TRIM35: variants seen among roughly 807,000 people sequenced by gnomAD.
TRIM35 encodes the protein E3 ubiquitin-protein ligase TRIM35.
TRIM35 carries 37 observed loss-of-function variants against 49.1 expected under a neutral mutation model. That is an observed-to-expected ratio of 0.75 (90% CI 0.58 to 0.99). The LOEUF is 0.99. Among genes scored for constraint, TRIM35 ranks in the 50% least tolerant of loss-of-function variants. The pLI is 0.00. For synonymous variants in TRIM35, 302 were observed against 289.3 expected, an observed-to-expected ratio of 1.04 and a Z score of -0.45; for missense variants, 648 against 702.7, an observed-to-expected ratio of 0.92 and a Z score of 0.88.
chr8:27,306,802 TA>T (rs1802795897), intron 1 of TRIM35, among the ~76,000 whole-genome samples: 1 of 152,224 alleles, frequency 6.6e-6, no homozygotes, highest in Non-Finnish European at 1.5e-5. Context: ...GCGGATTAAG[TA>T]GTCACTTGGA....
At chr8:27,291,139 A>C (rs571390170) in intron 3 of TRIM35, among the ~76,000 whole-genome samples, 2 of 152,004 alleles carry the variant, frequency 1.3e-5, no homozygotes, top group African/African-American at 2.4e-5. Flanking sequence ...AATGCATCAA[A>C]GACCTACATG....
rs986487938 is a variant in TRIM35 at position 27,287,334 on chromosome 8, C to T, written c.*216G>A. ...CCACGACTCGGGAGAGCCTGGCCAGCGAGGTGCCACCCGAATAGCTCCTGA... is the reference window on the plus strand; with the variant it reads ...CCACGACTCGGGAGAGCCTGGCCAGTGAGGTGCCACCCGAATAGCTCCTGA... On this transcript the variant is annotated 3_prime_UTR_variant, in exon 6 of 6. Coordinates refer to ENST00000305364, the MANE Select transcript of TRIM35 (RefSeq NM_171982.5). The surrounding 1 kb of genome is among the most constrained non-coding windows in gnomAD (Gnocchi z 6.0). 9 of 534,146 alleles carry T rather than the reference C, an allele frequency of 1.7e-5. No individual in the cohort carries two copies. The highest frequency in any genetic ancestry group is 6.2e-5 in the East Asian group (2 of 32,102). The allele number at this position is 534,146 out of a possible 1,614,324, so 33.1% of individuals were successfully genotyped here. A position where few individuals can be genotyped will look rare whatever the true frequency, so the allele number is the denominator to read the frequency against.
Position 27,287,682 on chromosome 8 carries a change from C to T in TRIM35, c.1350G>A (p.Leu450=), listed in dbSNP as rs753572900. 4.7e-5 allele frequency: 76 copies of T among 1,610,328 alleles called. No individual in the cohort carries two copies. The highest frequency in any genetic ancestry group is 8.4e-5 in the Admixed American group (5 of 59,402). ...CCCCAAAGCGGGCGTGGAAGGTGTACAGGTGGCAGTGGCGCTCCGCGTCAT... is the reference window on the plus strand; with the variant it reads ...CCCCAAAGCGGGCGTGGAAGGTGTATAGGTGGCAGTGGCGCTCCGCGTCAT... ...SFYDAERHCH[L]YTFHARFGEV... Residue 450 remains leucine (L), a synonymous_variant, in exon 6 of 6, where the codon CTG becomes CTA. Coordinates refer to ENST00000305364, the MANE Select transcript of TRIM35 (RefSeq NM_171982.5). The surrounding 1 kb of genome is among the most constrained non-coding windows in gnomAD (Gnocchi z 6.0).
intron 2 of TRIM35, among the ~76,000 whole-genome samples, chr8:27,296,154 C>CTT (rs563260897): frequency 4.6e-4 from 60 of 129,400 alleles, no homozygotes; most frequent in Admixed American, 1.7e-3. Context: ...GGGTGATTCT[C>CTT]TTTTTTTTTT....
Position 27,287,960 on chromosome 8 carries a change from A to T in TRIM35, c.1072T>A (p.Trp358Arg), listed in dbSNP as rs1359361502. The part of the protein sequence containing the change: ...SRVFSQGSHA[W>R]EVALGGLQSW... ...TGCAGCCCCCCAAGGGCCACCTCCC[A>T]GGCGTGCGAGCCCTGTGAGAAGACA... The change falls in exon 6 of 6, where the codon TGG (tryptophan) becomes AGG (arginine). Residue 358 changes from tryptophan to arginine, a missense_variant. Physicochemically the swap from Trp to Arg is moderately radical, Grantham distance 101. Coordinates refer to ENST00000305364, the MANE Select transcript of TRIM35 (RefSeq NM_171982.5). The surrounding 1 kb of genome is among the most constrained non-coding windows in gnomAD (Gnocchi z 6.0). 1 of 1,613,214 alleles carries T rather than the reference A, an allele frequency of 6.2e-7. No homozygotes were observed. The highest frequency in any genetic ancestry group is 2.2e-5 in the East Asian group (1 of 44,862).
At chr8:27,309,434 T>C (rs1194702098) in intron 1 of TRIM35, among the ~76,000 whole-genome samples, 4 of 152,188 alleles carry the variant, frequency 2.6e-5, no homozygotes, top group Non-Finnish European at 5.9e-5. Context: ...ACAGCATCCT[T>C]ACATTCCCCT....
intron 1 of TRIM35, among the ~76,000 whole-genome samples, chr8:27,308,846 C>T (rs1157229896): frequency 6.6e-6 from 1 of 152,192 alleles, no homozygotes. Context: ...CTGCTGTTCA[C>T]AGCAAGGGTG....
At chr8:27,290,275 A>G (rs887671098) in intron 3 of TRIM35, 97 bp from the exon 4 acceptor site, 39 of 1,142,152 alleles carry the variant, frequency 3.4e-5, no homozygotes, top group Admixed American at 2.6e-4. Flanking sequence ...TCCATGGATC[A>G]TAAGTCTTAA....
chr8:27,287,407 T>G lies in TRIM35; in HGVS notation c.*143A>C. The stretch of plus-strand genomic sequence containing the variant: ...ACATGGAGAGAGGCACAGCCTGGAG[T>G]CATGGAAAAGGACCAGGCAGGACAG... On this transcript the variant is annotated 3_prime_UTR_variant, in exon 6 of 6. Transcript: ENST00000305364. This position sits in a 1 kb window ranked among gnomAD's most constrained non-coding sequence, Gnocchi z 6.0. 1.1e-6 allele frequency: 1 copy of G among 889,048 alleles called. No homozygotes were observed. The highest frequency in any genetic ancestry group is 1.7e-6 in the Non-Finnish European group (1 of 596,122). 55.1% of individuals were successfully genotyped at this position (889,048 alleles called of 1,614,324 possible).
intron 3 of TRIM35, among the ~76,000 whole-genome samples, chr8:27,292,336 G>T (rs56126974): frequency 0.059 from 8,980 of 152,210 alleles, 353 homozygotes; most frequent in Middle Eastern, 0.099. Context: ...CACCATGTAG[G>T]CTTCTGTAAG....
chr8:27,311,074 C>T lies in TRIM35; in HGVS notation c.162G>A (p.Ser54=). 6.3e-7 allele frequency: 1 copy of T among 1,596,032 alleles called. No homozygotes were observed. The highest frequency in any genetic ancestry group is 1.3e-5 in the African/African-American group (1 of 74,832). Residue 54 remains serine, a synonymous_variant, in exon 1 of 6, where the codon TCG becomes TCA. Coordinates refer to ENST00000305364, the MANE Select transcript of TRIM35 (RefSeq NM_171982.5). The part of the protein sequence containing the change: ...CVSRCWEVQV[S]PTCPVCKDRA... ...GGTCTTTGCACACTGGGCAGGTGGG[C>T]GACACCTGCACCTCCCAGCAGCGGC...
In TRIM35 at chr8:27,286,260, G is replaced by A; in HGVS notation, c.*1290C>T. On this transcript the variant is annotated 3_prime_UTR_variant, in exon 6 of 6. Coordinates refer to ENST00000305364, the MANE Select transcript of TRIM35 (RefSeq NM_171982.5). ...CCAGGGAAAAGTCTGCAGGCATGGT[G>A]GAGGAAGAAATTAGGGATGAAATCG... 1 of 439,846 alleles carries A rather than the reference G, an allele frequency of 2.3e-6. No homozygotes were observed. Among genetic ancestry groups the A allele is most frequent in the South Asian group, 1.6e-5 (1 of 62,432 alleles). The allele number at this position is 439,846 out of a possible 1,614,324, so 27.2% of individuals were successfully genotyped here. A position where few individuals can be genotyped will look rare whatever the true frequency, so the allele number is the denominator to read the frequency against.
intron 3 of TRIM35, among the ~76,000 whole-genome samples, chr8:27,291,504 T>C (rs1016374161): frequency 6.6e-6 from 1 of 152,244 alleles, no homozygotes; most frequent in Non-Finnish European, 1.5e-5. Context: ...GTTCTTCCAA[T>C]AGTTAAACCT....
At chr8:27,290,679 TAAG>T (rs1802435249) in intron 3 of TRIM35, among the ~76,000 whole-genome samples, 1 of 152,196 alleles carries the variant, frequency 6.6e-6, no homozygotes, top group African/African-American at 2.4e-5. Context: ...ACAGAAAACA[TAAG>T]AAGAGACTCC....
intron 1 of TRIM35, among the ~76,000 whole-genome samples, chr8:27,304,426 G>A (rs1009029512): frequency 1.3e-5 from 2 of 152,098 alleles, no homozygotes; most frequent in African/African-American, 2.4e-5. Context: ...TTGAAAACTC[G>A]GCTCTAGTAC....
Position 27,298,470 on chromosome 8 carries a change from G to A in TRIM35, c.525C>T (p.His175=). ...MRRSYEAIAK[H]NQVEAAWLEG... is the part of the protein sequence containing the mutation. ...GGCCCCATCGTTCGCTCACCTGATT[G>A]TGCTTGGCGATGGCCTCATAGGAGC... The change falls in exon 2 of 6, where the codon CAC becomes CAT. Residue 175 remains histidine, a synonymous_variant. Transcript: ENST00000305364. 6.2e-7 allele frequency: 1 copy of A among 1,614,144 alleles called. No individual in the cohort carries two copies. Among genetic ancestry groups the A allele is most frequent in the East Asian group, 2.2e-5 (1 of 44,882 alleles).
chr8:27,288,773 G>A (rs1802391770), intron 5 of TRIM35, among the ~76,000 whole-genome samples: 1 of 152,238 alleles, frequency 6.6e-6, no homozygotes. Context: ...CTGAGTCAGT[G>A]ATATTCCTCC....
At chr8:27,296,333 T>C (rs868045927) in intron 2 of TRIM35, among the ~76,000 whole-genome samples, 3 of 152,158 alleles carry the variant, frequency 2.0e-5, no homozygotes, top group African/African-American at 7.2e-5. Context: ...CCAGTAATTC[T>C]TATCACACAA....
chr8:27,311,048 C>T lies in TRIM35; in HGVS notation c.188G>A (p.Arg63His), dbSNP rs1202787437. ...GGTGCGCAGGTCGGCGGGTGACGCG[C>T]GGTCTTTGCACACTGGGCAGGTGGG... is the stretch of plus-strand genomic sequence containing the variant. ...VSPTCPVCKD[R>H]ASPADLRTNH... The change falls in exon 1 of 6, where the codon CGC becomes CAC. Residue 63 changes from arginine to histidine, a missense_variant. Transcript: ENST00000305364. The T allele has an allele frequency of 1.9e-6, 3 of 1,598,970 alleles. No homozygotes were observed. Among genetic ancestry groups the T allele is most frequent in the African/African-American group, 1.3e-5 (1 of 74,674 alleles).
Sources: allele counts gnomAD v4.1 joint callset (sites outside exome capture counted in the v4.1 genomes callset), GRCh38; gene constraint gnomAD v4.1.1; non-coding constraint Gnocchi (gnomAD v3.1); transcripts MANE v1.5; gene names NCBI Gene and HGNC (gene_info 2026-07-23, HGNC 2026-07-21).